Variants in DNAL1 observed in about 807,000 individuals in gnomAD.
DNAL1 encodes dynein axonemal light chain 1.
In DNAL1, 17 loss-of-function variants were observed where a neutral mutation model predicts 29.4. That is an observed-to-expected ratio of 0.58 (90% CI 0.40 to 0.87). The LOEUF (loss-of-function observed/expected upper bound fraction) is 0.87. Among genes scored for constraint, DNAL1 ranks in the 40% least tolerant of loss-of-function variants. The pLI, the probability that DNAL1 is intolerant of heterozygous loss-of-function variation, is 0.00. For missense variants in DNAL1, 188 were observed against 214.1 expected, an observed-to-expected ratio of 0.88 and a Z score of 0.76; for synonymous variants, 78 against 76.3, an observed-to-expected ratio of 1.02 and a Z score of -0.12.
At chr14:73,681,850 C>T (rs149539248) in intron 5 of DNAL1, among the ~76,000 whole-genome samples, 460 of 151,584 alleles carry the variant, frequency 3.0e-3, no homozygotes, top group African/African-American at 0.011. Context: ...TGGTGGCTCA[C>T]GCCTGTAATC....
intron 7 of DNAL1, among the ~76,000 whole-genome samples, chr14:73,695,162 C>T (rs1264188687): frequency 6.9e-6 from 1 of 145,024 alleles, no homozygotes; most frequent in Non-Finnish European, 1.5e-5. Flanking sequence ...CTCAAGTGAT[C>T]CTCCCACCTC....
At chr14:73,678,754 CTAAG>C (rs1318812236) in intron 5 of DNAL1, among the ~76,000 whole-genome samples, 1 of 152,062 alleles carries the variant, frequency 6.6e-6, no homozygotes, top group Non-Finnish European at 1.5e-5. Flanking sequence ...CTGCAACAAT[CTAAG>C]TGTCTATCAG....
At chr14:73,682,866 G>GTTTTTTTT (rs1566889194) in intron 5 of DNAL1, among the ~76,000 whole-genome samples, 1 of 113,818 alleles carries the variant, frequency 8.8e-6, no homozygotes, top group Non-Finnish European at 1.7e-5. Flanking sequence ...CTGTTTTATA[G>GTTTTTTTT]TTATTTTTTT....
At chr14:73,688,972 G>C (rs1892089760) in intron 6 of DNAL1, among the ~76,000 whole-genome samples, 1 of 150,920 alleles carries the variant, frequency 6.6e-6, no homozygotes, top group South Asian at 2.1e-4. Flanking sequence ...GTCACAAACT[G>C]AGGGTTAATG....
chr14:73,670,579 A>G (rs896792396), intron 4 of DNAL1, among the ~76,000 whole-genome samples: 3 of 152,074 alleles, frequency 2.0e-5, no homozygotes, highest in African/African-American at 7.2e-5. Flanking sequence ...AGAGGTTACA[A>G]TGGGAAATGT....
chr14:73,658,790 C>T (rs980329304), intron 2 of DNAL1, 57 bp from the exon 3 acceptor site: 1 of 1,374,802 alleles, frequency 7.3e-7, no homozygotes, highest in Admixed American at 2.0e-5. Context: ...ATTCTGGCCT[C>T]TTTTGTTTCC....
chr14:73,692,968 T>C (rs1027278279), intron 7 of DNAL1, among the ~76,000 whole-genome samples: 25 of 151,962 alleles, frequency 1.6e-4, no homozygotes, highest in African/African-American at 5.8e-4. Context: ...CCTGAAGAGC[T>C]GGGATTACAG....
intron 2 of DNAL1, among the ~76,000 whole-genome samples, chr14:73,655,637 G>A (rs1176970082): frequency 2.6e-5 from 4 of 151,884 alleles, no homozygotes; most frequent in Non-Finnish European, 5.9e-5. Flanking sequence ...GTGAACCACC[G>A]CGCCCGGCCT....
At chr14:73,670,757 G>A (rs1891600072) in intron 4 of DNAL1, among the ~76,000 whole-genome samples, 1 of 148,812 alleles carries the variant, frequency 6.7e-6, no homozygotes, top group South Asian at 2.1e-4. Context: ...TTTTTTTTGA[G>A]ATGGATTCTC....
At chr14:73,661,261 T>C (rs778638217) in intron 3 of DNAL1, among the ~76,000 whole-genome samples, 2 of 152,216 alleles carry the variant, frequency 1.3e-5, no homozygotes, top group Non-Finnish European at 2.9e-5. Flanking sequence ...TCCTTTGTTT[T>C]AGTGGCAGCT....
At chr14:73,675,951 G>A (rs1035120804) in intron 5 of DNAL1, among the ~76,000 whole-genome samples, 1 of 152,018 alleles carries the variant, frequency 6.6e-6, no homozygotes, top group African/African-American at 2.4e-5. Flanking sequence ...GGAGGCAGAG[G>A]ATGCAGGAGC....
In DNAL1 at chr14:73,667,108, C is replaced by T. The variant is rs143680495; in HGVS notation, c.209-4434C>T. ...TACATTCCATTGGGTGATATTTCCA[C>T]GGGATATCTAACAGACATCTCATAC... On this transcript the variant is annotated intron_variant, in intron 4 of 7. Transcript: ENST00000553645. 3.0e-3 allele frequency among the ~76,000 whole-genome samples: 457 copies of T among 151,926 alleles called. 2 individuals are homozygous for T. Among genetic ancestry groups the T allele is most frequent in the African/African-American group, 9.9e-3 (409 of 41,458 alleles).
intron 1 of DNAL1, among the ~76,000 whole-genome samples, chr14:73,647,233 T>C (rs1890996648): frequency 6.6e-6 from 1 of 151,180 alleles, no homozygotes; most frequent in Non-Finnish European, 1.5e-5. Flanking sequence ...GGCGTGGTGG[T>C]AGGCGCCTAT....
At chr14:73,677,884 T>TGTGTGTGTGTGTGTGTGTG (rs1555402397) in intron 5 of DNAL1, among the ~76,000 whole-genome samples, 13 of 96,130 alleles carry the variant, frequency 1.4e-4, no homozygotes, top group African/African-American at 4.9e-4. Flanking sequence ...ATATATATAT[T>TGTGTGTGTGTGTGTGTGTG]TGTGTGTGTG....
In DNAL1 at chr14:73,696,961, G is replaced by A. The variant is rs562458888; in HGVS notation, c.*1019G>A. On this transcript the variant is annotated 3_prime_UTR_variant, in exon 8 of 8. Coordinates refer to ENST00000553645, the MANE Select transcript of DNAL1 (RefSeq NM_031427.4). The stretch of plus-strand genomic sequence containing the variant: ...AAAATGTATTATGTACGTGGTTGTG[G>A]AGGGAAGGGAGATGTTTCATTATGA... The A allele has an allele frequency of 6.6e-6, 1 of 152,290 alleles. No individual in the cohort carries two copies. The highest frequency in any genetic ancestry group is 1.5e-5 in the Non-Finnish European group (1 of 68,024). 9.4% of individuals were successfully genotyped at this position (152,290 alleles called of 1,614,324 possible). A position where few individuals can be genotyped will look rare whatever the true frequency, so the allele number is the denominator to read the frequency against.
At chr14:73,663,408 G>A (rs1891400281) in intron 4 of DNAL1, among the ~76,000 whole-genome samples, 1 of 151,962 alleles carries the variant, frequency 6.6e-6, no homozygotes, top group Non-Finnish European at 1.5e-5. Context: ...GTTTCACCAT[G>A]TTGGCCAGGC....
chr14:73,690,444 G>C (rs1032411069), intron 7 of DNAL1, among the ~76,000 whole-genome samples: 20 of 151,920 alleles, frequency 1.3e-4, no homozygotes, highest in Non-Finnish European at 1.9e-4. Flanking sequence ...CCTGAGGTTG[G>C]GAGTTCGAGA....
chr14:73,645,888 C>A (rs1396939606), intron 1 of DNAL1, among the ~76,000 whole-genome samples: 5 of 152,168 alleles, frequency 3.3e-5, no homozygotes, highest in Non-Finnish European at 5.9e-5. Flanking sequence ...CCAGCCAGAG[C>A]TATTGAGCAA....
intron 1 of DNAL1, among the ~76,000 whole-genome samples, chr14:73,646,377 A>T (rs899327985): frequency 2.0e-5 from 3 of 150,362 alleles, no homozygotes; most frequent in African/African-American, 7.3e-5. Flanking sequence ...TATTGCTCCT[A>T]GGCTACAAAG....
Sources: gnomAD v4.1 joint callset for allele counts (sites outside exome capture counted in the v4.1 genomes callset) on GRCh38, gnomAD v4.1.1 for gene constraint, MANE v1.5 for transcripts, NCBI Gene and HGNC (gene_info 2026-07-23, HGNC 2026-07-21) for gene names.